DIAPH3: variants seen among roughly 807,000 people sequenced by gnomAD.
The protein encoded by DIAPH3 is protein diaphanous homolog 3.
DIAPH3 carries 117 observed loss-of-function variants against 144.3 expected under a neutral mutation model. The ratio of observed to expected loss-of-function variants is 0.81; its 90% CI spans 0.70 to 0.95. The LOEUF (loss-of-function observed/expected upper bound fraction) is 0.95. DIAPH3 is among the 40% of genes least tolerant of loss of function. The probability of loss-of-function intolerance (pLI) is 0.00; values close to 1 mark genes in which losing one functional copy is unlikely to be tolerated. For missense variants in DIAPH3, 1,421 were observed against 1,412.7 expected (o/e 1.01, Z -0.09); for synonymous variants, 519 against 488.9 (o/e 1.06, Z -0.81).
rs144997911 is a variant in DIAPH3 at position 59,743,093 on chromosome 13, T to C, written c.3319+31096A>G. Among the ~76,000 whole-genome samples, 98 of 152,236 alleles carry C rather than the reference T, an allele frequency of 6.4e-4. 3 individuals are homozygous for C. The East Asian group carries it at 0.019, about 29-fold the overall frequency. On this transcript the variant is annotated intron_variant, in intron 27 of 27. Coordinates refer to ENST00000400324, the MANE Select transcript of DIAPH3 (RefSeq NM_001042517.2). ...AGCCTAGGAGGCACAAACAAAATCA[T>C]GTGGGGAATTCACATTCTAAACTAC...
chr13:59,865,517 A>C (rs1440884449), intron 21 of DIAPH3, among the ~76,000 whole-genome samples: 1 of 152,088 alleles, frequency 6.6e-6, no homozygotes, highest in East Asian at 1.9e-4. Flanking sequence ...ATTACTGTCA[A>C]GAGATTTATC....
chr13:59,871,095 C>G (rs1371507771), intron 21 of DIAPH3, among the ~76,000 whole-genome samples: 1 of 151,130 alleles, frequency 6.6e-6, no homozygotes. Context: ...TGCTGGCATA[C>G]AGGAAACCAC....
At chr13:59,702,585 C>T (rs2034169584) in intron 27 of DIAPH3, among the ~76,000 whole-genome samples, 1 of 152,176 alleles carries the variant, frequency 6.6e-6, no homozygotes, top group Non-Finnish European at 1.5e-5. Flanking sequence ...ACCATTCAGT[C>T]TCTCTTAGGA....
chr13:60,162,670 T>C (rs890203058), intron 1 of DIAPH3, among the ~76,000 whole-genome samples: 1 of 152,194 alleles, frequency 6.6e-6, no homozygotes, highest in African/African-American at 2.4e-5. Flanking sequence ...AACTATTATT[T>C]TTAACTAAAT....
chr13:59,692,798 C>T (rs2033604269), intron 27 of DIAPH3, among the ~76,000 whole-genome samples: 1 of 152,078 alleles, frequency 6.6e-6, no homozygotes, highest in African/African-American at 2.4e-5. Context: ...GTTTTCCAGG[C>T]TGTGTATTGC....
chr13:60,039,311 T>C (rs2055460439), intron 5 of DIAPH3, among the ~76,000 whole-genome samples: 1 of 28,654 alleles, frequency 3.5e-5, no homozygotes, highest in Non-Finnish European at 8.2e-5. Context: ...TTTCTTTCTC[T>C]TTTTTTTTTT....
At chr13:60,019,289 C>T (rs993644356) in intron 5 of DIAPH3, among the ~76,000 whole-genome samples, 1 of 152,100 alleles carries the variant, frequency 6.6e-6, no homozygotes. Context: ...TGTTCTATGC[C>T]TGTCAGCACA....
At chr13:60,149,752 CAAAA>C (rs35814915) in intron 1 of DIAPH3, among the ~76,000 whole-genome samples, 2 of 95,324 alleles carry the variant, frequency 2.1e-5, no homozygotes, top group Non-Finnish European at 2.0e-5. Context: ...GACACTGTCT[CAAAA>C]AAAAAAAAAA....
chr13:60,032,097 C>A (rs569044419), intron 5 of DIAPH3, among the ~76,000 whole-genome samples: 5 of 152,254 alleles, frequency 3.3e-5, no homozygotes, highest in African/African-American at 9.6e-5. Flanking sequence ...CACATTGGTA[C>A]AAGGGGTGGG....
chr13:59,906,663 A>G (rs542555921), intron 20 of DIAPH3, among the ~76,000 whole-genome samples: 6 of 152,206 alleles, frequency 3.9e-5, no homozygotes, highest in Non-Finnish European at 8.8e-5. Context: ...CACAAACAGG[A>G]CATTTGTTCG....
intron 27 of DIAPH3, among the ~76,000 whole-genome samples, chr13:59,708,683 T>C (rs1391339370): frequency 1.3e-5 from 2 of 152,124 alleles, no homozygotes; most frequent in Non-Finnish European, 2.9e-5. Context: ...CTCTCATATC[T>C]ACACTTAATT....
chr13:60,143,969 T>C lies in DIAPH3; in HGVS notation c.181-10980A>G. 1.3e-5 allele frequency among the ~76,000 whole-genome samples: 2 copies of C among 152,200 alleles called. 1 individual carries two copies. The highest frequency in any genetic ancestry group is 6.3e-3 in the Middle Eastern group (2 of 316). On this transcript the variant is annotated intron_variant, in intron 1 of 27. Transcript: ENST00000400324. ...AGTAAGGGTGGATCAACCTTCATTATTATGGAGAAATGATCTCATTTCCTT... is the reference window on the plus strand; with the variant it reads ...AGTAAGGGTGGATCAACCTTCATTACTATGGAGAAATGATCTCATTTCCTT...
At chr13:59,958,394 A>G (rs2049531868) in intron 17 of DIAPH3, among the ~76,000 whole-genome samples, 1 of 152,100 alleles carries the variant, frequency 6.6e-6, no homozygotes, top group Non-Finnish European at 1.5e-5. Context: ...TAAAATAAAA[A>G]CTTTAAGATA....
chr13:59,788,450 C>T (rs2139384242), intron 25 of DIAPH3, among the ~76,000 whole-genome samples: 1 of 152,170 alleles, frequency 6.6e-6, no homozygotes, highest in East Asian at 1.9e-4. Context: ...TGAGACCTCT[C>T]CTCTAAAAAA....
In DIAPH3 at chr13:60,125,394, AT is replaced by A. The variant is rs56267083; in HGVS notation, c.213+7562del. 3.7e-3 allele frequency among the ~76,000 whole-genome samples: 357 copies of A among 97,802 alleles called. 5 individuals carry two copies. Among genetic ancestry groups the A allele is most frequent in the East Asian group, 4.6e-3 (11 of 2,388 alleles). The allele number at this position is 97,802 out of a possible 152,430, so 64.2% of individuals were successfully genotyped here. ...ATCTGCATACCATCACACCCAGCTA[AT>A]TTTTTTTTTTTTTTTTTTTTTTTTT... On this transcript the variant is annotated intron_variant, in intron 2 of 27. Coordinates refer to ENST00000400324, the MANE Select transcript of DIAPH3 (RefSeq NM_001042517.2).
At chr13:60,085,990 A>T (rs2137845928) in intron 4 of DIAPH3, among the ~76,000 whole-genome samples, 1 of 152,252 alleles carries the variant, frequency 6.6e-6, no homozygotes, top group Admixed American at 6.5e-5. Flanking sequence ...CGGTATAAAC[A>T]TCATTAACCA....
At chr13:59,843,158 T>C (rs1482654026) in intron 22 of DIAPH3, among the ~76,000 whole-genome samples, 1 of 152,190 alleles carries the variant, frequency 6.6e-6, no homozygotes, top group Non-Finnish European at 1.5e-5. Flanking sequence ...ACTCAGGAAA[T>C]TCCAAAACTT....
intron 18 of DIAPH3, among the ~76,000 whole-genome samples, chr13:59,918,208 GAAAAA>G (rs571397429): frequency 2.1e-5 from 2 of 95,056 alleles, no homozygotes; most frequent in Non-Finnish European, 4.5e-5. Context: ...GGCAGCACAG[GAAAAA>G]AAAAAAAAAA....
intron 17 of DIAPH3, among the ~76,000 whole-genome samples, chr13:59,962,828 A>G (rs2049841770): frequency 6.6e-6 from 1 of 152,180 alleles, no homozygotes; most frequent in South Asian, 2.1e-4. Context: ...TGCAAGTCTA[A>G]TAACTACCTT....
Sources: gnomAD v4.1 joint callset for allele counts (sites outside exome capture counted in the v4.1 genomes callset) on GRCh38, gnomAD v4.1.1 for gene constraint, MANE v1.5 for transcripts, NCBI Gene and HGNC (gene_info 2026-07-23, HGNC 2026-07-21) for gene names.